The following RGS22 variants were observed in gnomAD, a reference collection of about 807,000 sequenced individuals.
RGS22 encodes regulator of G protein signaling 22.
Under a neutral mutation model 172.9 loss-of-function variants are expected in RGS22, and 148 were observed. The observed-to-expected ratio is 0.86, with a 90% CI of 0.75 to 0.98. The LOEUF is 0.98. RGS22 is among the 50% of genes least tolerant of loss of function. The pLI is 0.00. For synonymous variants in RGS22, 458 were observed against 480.2 expected (o/e 0.95, Z 0.60); for missense variants, 1,347 against 1,440.8 (o/e 0.93, Z 1.05).
intron 22 of RGS22, among the ~76,000 whole-genome samples, chr8:99,980,076 G>C (rs1248356281): frequency 6.6e-6 from 1 of 152,112 alleles, no homozygotes; most frequent in Non-Finnish European, 1.5e-5. Context: ...TGAGGGCAGT[G>C]GGAAGTATCT....
intron 23 of RGS22, among the ~76,000 whole-genome samples, chr8:99,970,118 G>A: frequency 6.6e-6 from 1 of 152,128 alleles, no homozygotes; most frequent in East Asian, 1.9e-4. Flanking sequence ...TGAACAACCT[G>A]CTCCTGAATG....
At chr8:100,105,294 C>A in intron 2 of RGS22, 80 bp downstream of exon 2, 1 of 1,139,732 alleles carries the variant, frequency 8.8e-7, no homozygotes, top group Non-Finnish European at 1.3e-6. Flanking sequence ...AAAGAAAACA[C>A]ACAGCTTTCT....
intron 14 of RGS22, among the ~76,000 whole-genome samples, chr8:100,013,662 A>C (rs1317377920): frequency 6.6e-6 from 1 of 152,126 alleles, no homozygotes; most frequent in Non-Finnish European, 1.5e-5. Flanking sequence ...TTATTTTACC[A>C]CTTACCATAT....
chr8:100,015,234 C>A lies in RGS22; in HGVS notation c.2167-6665G>T, dbSNP rs76138848. Among the ~76,000 whole-genome samples, 140 of 152,230 alleles carry A rather than the reference C, an allele frequency of 9.2e-4. 3 individuals carry two copies. The East Asian group carries it at 0.024, about 26-fold the overall frequency. On this transcript the variant is annotated intron_variant, in intron 14 of 27. Coordinates refer to ENST00000360863, the MANE Select transcript of RGS22 (RefSeq NM_015668.5). ...ATGACTCAATAATATAGCAAATTAT[C>A]CTTTCCTAACTTCTAAAGCCTCTCC...
chr8:100,004,207 A>T, intron 16 of RGS22, 109 bp from the exon 17 acceptor site: 1 of 1,333,070 alleles, frequency 7.5e-7, no homozygotes, highest in Non-Finnish European at 9.8e-7. Flanking sequence ...AAGCCATTTA[A>T]TAATTCAATG....
intron 14 of RGS22, among the ~76,000 whole-genome samples, chr8:100,032,945 A>T (rs1199625218): frequency 6.6e-6 from 1 of 152,220 alleles, no homozygotes; most frequent in East Asian, 1.9e-4. Flanking sequence ...TGAAGGCAGA[A>T]ATAAAGATGT....
intron 9 of RGS22, among the ~76,000 whole-genome samples, chr8:100,059,230 A>T (rs1809898679): frequency 6.6e-6 from 1 of 152,120 alleles, no homozygotes; most frequent in African/African-American, 2.4e-5. Flanking sequence ...GGAAGGAAGG[A>T]AAGAAAGAAC....
At chr8:100,007,069 T>G (rs1180814359) in intron 15 of RGS22, among the ~76,000 whole-genome samples, 1 of 152,208 alleles carries the variant, frequency 6.6e-6, no homozygotes, top group African/African-American at 2.4e-5. Flanking sequence ...AAAAGGATAC[T>G]AGGCTAATTT....
intron 27 of RGS22, among the ~76,000 whole-genome samples, chr8:99,961,502 G>A (rs2131057989): frequency 6.6e-6 from 1 of 152,276 alleles, no homozygotes; most frequent in African/African-American, 2.4e-5. Flanking sequence ...CTCTCCTGCT[G>A]TCTCTTGAAG....
intron 14 of RGS22, 108 bp from the exon 15 acceptor site, chr8:100,008,677 CA>C: frequency 5.4e-6 from 4 of 736,748 alleles, no homozygotes; most frequent in Non-Finnish European, 8.7e-6. Context: ...CAAATAAGCC[CA>C]CGTGATATTT....
intron 11 of RGS22, among the ~76,000 whole-genome samples, chr8:100,043,508 G>A (rs1402265402): frequency 2.0e-5 from 3 of 152,188 alleles, no homozygotes; most frequent in African/African-American, 7.2e-5. Context: ...TGGGCACGGT[G>A]GCTCACGCCT....
intron 2 of RGS22, among the ~76,000 whole-genome samples, chr8:100,093,900 AC>A (rs1812774041): frequency 6.6e-6 from 1 of 152,232 alleles, no homozygotes; most frequent in East Asian, 1.9e-4. Context: ...GGCAGAGTCA[AC>A]AAGAAGCAGT....
intron 10 of RGS22, among the ~76,000 whole-genome samples, chr8:100,050,095 G>A (rs1821127749): frequency 6.6e-6 from 1 of 151,930 alleles, no homozygotes; most frequent in Admixed American, 6.6e-5. Flanking sequence ...GAATCCTTGG[G>A]TTCCATCCCA....
At chr8:99,985,818 A>T (rs1427283131) in intron 21 of RGS22, among the ~76,000 whole-genome samples, 1 of 152,136 alleles carries the variant, frequency 6.6e-6, no homozygotes, top group African/African-American at 2.4e-5. Context: ...TTTTTAAAAT[A>T]CCTATTTTAC....
At chr8:100,016,969 C>CTTACCAGT (rs1378033257) in intron 14 of RGS22, among the ~76,000 whole-genome samples, 1 of 124,470 alleles carries the variant, frequency 8.0e-6, no homozygotes, top group Non-Finnish European at 1.6e-5. Context: ...TCCCTGATTC[C>CTTACCAGT]TTACCAGTCT....
chr8:100,003,807 G>C (rs1455489338), intron 17 of RGS22, 119 bp downstream of exon 17: 6 of 818,428 alleles, frequency 7.3e-6, no homozygotes, highest in Non-Finnish European at 1.1e-5. Context: ...ATGTTTGTCA[G>C]TTTTTATTGA....
intron 6 of RGS22, among the ~76,000 whole-genome samples, chr8:100,069,748 C>T (rs1810806452): frequency 6.6e-6 from 1 of 152,064 alleles, no homozygotes; most frequent in Non-Finnish European, 1.5e-5. Context: ...TTCAACCTTG[C>T]CTTTGTCTCT....
chr8:100,030,685 C>T (rs1279621763), intron 14 of RGS22, among the ~76,000 whole-genome samples: 2 of 152,062 alleles, frequency 1.3e-5, no homozygotes, highest in East Asian at 3.8e-4. Flanking sequence ...AACTGTCAAC[C>T]TAGAATTCTA....
At chr8:99,979,141 C>G (rs146881767) in intron 22 of RGS22, among the ~76,000 whole-genome samples, 41 of 152,272 alleles carry the variant, frequency 2.7e-4, no homozygotes, top group Non-Finnish European at 4.7e-4. Context: ...ACCTGCCATA[C>G]ATTTAATTAA....
Sources: gnomAD v4.1 joint callset for allele counts (sites outside exome capture counted in the v4.1 genomes callset) on GRCh38, gnomAD v4.1.1 for gene constraint, MANE v1.5 for transcripts, NCBI Gene and HGNC (gene_info 2026-07-23, HGNC 2026-07-21) for gene names.